Variants in DDX31 observed in about 807,000 individuals in gnomAD.
DDX31 encodes ATP-dependent DNA helicase DDX31.
DDX31 carries 70 observed loss-of-function variants against 91.3 expected under a neutral mutation model. The observed-to-expected ratio is 0.77, with a 90% CI of 0.63 to 0.94. The LOEUF is 0.94. Ranked by LOEUF, DDX31 falls within the 40% of genes least tolerant of loss-of-function variation. The pLI is 0.00. For missense variants in DDX31, 902 were observed against 925.0 expected (o/e 0.98, Z 0.32); for synonymous variants, 362 against 350.6 (o/e 1.03, Z -0.36).
chr9:132,603,018 A>G (rs1430287217), intron 19 of DDX31, among the ~76,000 whole-genome samples: 1 of 108,012 alleles, frequency 9.3e-6, no homozygotes, highest in African/African-American at 3.5e-5. Flanking sequence ...ACTCAGAATC[A>G]CATGACCGGG....
intron 19 of DDX31, among the ~76,000 whole-genome samples, chr9:132,611,361 A>C (rs1004123252): frequency 6.6e-6 from 1 of 152,180 alleles, no homozygotes; most frequent in Non-Finnish European, 1.5e-5. Flanking sequence ...ACAGGGCCTC[A>C]CGCGCTCTGG....
intron 1 of DDX31, 130 bp from the exon 2 acceptor site, chr9:132,662,825 G>A (rs764840330): frequency 3.2e-5 from 41 of 1,265,242 alleles, no homozygotes; most frequent in Admixed American, 1.7e-4. Flanking sequence ...CATATGTCAA[G>A]CAACAGTTTA....
rs1445979882 is a variant in DDX31, at chr9:132,625,683, C to G, written c.1694G>C (p.Gly565Ala). 1 of 1,613,940 alleles carries G rather than the reference C, an allele frequency of 6.2e-7. No homozygotes were observed. The highest frequency in any genetic ancestry group is 1.3e-5 in the African/African-American group (1 of 75,014). The change falls in exon 17 of 20, where the codon GGG becomes GCG. Residue 565 changes from glycine to alanine, a missense_variant. By Grantham distance (60) the Gly-to-Ala change is moderately conservative. Coordinates refer to ENST00000372159, the MANE Select transcript of DDX31 (RefSeq NM_022779.9). ...CVLTRDDCFK[G>A]KRWGAQKSHA... The stretch of plus-strand genomic sequence containing the variant: ...ACTCACCTGGGCTCCCCATCGTTTC[C>G]CTTTAAAACAATCATCTCTTGTCAG...
At chr9:132,646,575 A>G (rs942374194) in intron 12 of DDX31, among the ~76,000 whole-genome samples, 1 of 152,156 alleles carries the variant, frequency 6.6e-6, no homozygotes, top group Non-Finnish European at 1.5e-5. Flanking sequence ...GATGTTCCTA[A>G]TATCAGTCCC....
intron 19 of DDX31, among the ~76,000 whole-genome samples, chr9:132,607,778 C>A (rs536605128): frequency 6.6e-6 from 1 of 152,308 alleles, no homozygotes; most frequent in Admixed American, 6.5e-5. Flanking sequence ...ACCTCCTGGG[C>A]TTGGCCTCCC....
intron 19 of DDX31, among the ~76,000 whole-genome samples, chr9:132,606,397 G>A (rs768797577): frequency 3.3e-5 from 5 of 152,156 alleles, no homozygotes; most frequent in Admixed American, 6.5e-5. Context: ...TGAGGGACTC[G>A]GTTCCATGTT....
At chr9:132,608,342 G>A (rs1831137887) in intron 19 of DDX31, among the ~76,000 whole-genome samples, 1 of 152,116 alleles carries the variant, frequency 6.6e-6, no homozygotes, top group Non-Finnish European at 1.5e-5. Flanking sequence ...TTGCAGAACT[G>A]AGCACTGGAA....
At chr9:132,661,043 G>A (rs1834902492) in intron 4 of DDX31, 165 bp downstream of exon 4, 2 of 657,810 alleles carry the variant, frequency 3.0e-6, no homozygotes, top group Admixed American at 2.9e-5. Context: ...CATTTAACAG[G>A]TGGAGAGAAT....
intron 1 of DDX31, among the ~76,000 whole-genome samples, chr9:132,664,733 A>C (rs1407718892): frequency 6.6e-6 from 1 of 151,102 alleles, no homozygotes; most frequent in East Asian, 1.9e-4. Context: ...AAAAAAAAAA[A>C]AAAACTGTAA....
intron 19 of DDX31, among the ~76,000 whole-genome samples, chr9:132,603,303 T>C (rs943506217): frequency 2.6e-5 from 4 of 152,246 alleles, no homozygotes; most frequent in South Asian, 2.1e-4. Context: ...AGCTATAACA[T>C]TGGGACCAAC....
intron 19 of DDX31, among the ~76,000 whole-genome samples, chr9:132,605,612 A>G (rs1438666700): frequency 6.6e-6 from 1 of 152,136 alleles, no homozygotes; most frequent in Admixed American, 6.5e-5. Context: ...CAAATACCAC[A>G]AGCAGATGCA....
intron 8 of DDX31, 55 bp from the exon 9 acceptor site, chr9:132,650,353 A>G (rs1011512054): frequency 1.3e-6 from 2 of 1,532,414 alleles, no homozygotes; most frequent in Non-Finnish European, 1.8e-6. Context: ...CTAACATCAG[A>G]CATTGATTCC....
At chr9:132,638,263 T>C in intron 14 of DDX31, 6 of 1,603,192 alleles carry the variant, frequency 3.7e-6, no homozygotes, top group Non-Finnish European at 4.3e-6. Flanking sequence ...GCTTAGAAAC[T>C]CCATTTTCCG....
chr9:132,609,507 C>G (rs1422808536), intron 19 of DDX31, among the ~76,000 whole-genome samples: 1 of 152,198 alleles, frequency 6.6e-6, no homozygotes, highest in Non-Finnish European at 1.5e-5. Context: ...GAGCTGCTAT[C>G]TGGATTAACA....
chr9:132,662,152 G>T, intron 3 of DDX31, 109 bp downstream of exon 3: 1 of 1,110,424 alleles, frequency 9.0e-7, no homozygotes. Flanking sequence ...ACTTAGAGCA[G>T]AAACAAACAC....
At chr9:132,630,918 G>T (rs943247063) in intron 15 of DDX31, among the ~76,000 whole-genome samples, 1 of 152,196 alleles carries the variant, frequency 6.6e-6, no homozygotes, top group African/African-American at 2.4e-5. Context: ...CAGGCCCCAG[G>T]AGCTGGTCCC....
rs115299991 is a variant in DDX31 at position 132,606,632 on chromosome 9, C to T, written c.1994+5455G>A. On this transcript the variant is annotated intron_variant, in intron 19 of 19. Coordinates refer to ENST00000372159, the MANE Select transcript of DDX31 (RefSeq NM_022779.9). ...TGGCTTAACCCCCACAATCAAAGGGCGACTTGAGTACCTCCCTTTGAGGCC... is the reference window on the plus strand; with the variant it reads ...TGGCTTAACCCCCACAATCAAAGGGTGACTTGAGTACCTCCCTTTGAGGCC... 9.2e-3 allele frequency among the ~76,000 whole-genome samples: 1,396 copies of T among 152,232 alleles called. 12 individuals are homozygous for T. Among genetic ancestry groups the T allele is most frequent in the African/African-American group, 0.032 (1,315 of 41,530 alleles).
chr9:132,637,445 C>G (rs1833188949), intron 14 of DDX31, among the ~76,000 whole-genome samples: 2 of 152,238 alleles, frequency 1.3e-5, no homozygotes. Context: ...AGGCAGCTTG[C>G]TCAGGTGCCA....
chr9:132,608,998 A>C (rs10901194), intron 19 of DDX31, among the ~76,000 whole-genome samples: 15,039 of 152,218 alleles, frequency 0.099, 936 homozygotes, highest in South Asian at 0.18. Flanking sequence ...AGATTTCCCC[A>C]AATAAAAAAA....
Sources: gnomAD v4.1 joint callset for allele counts (sites outside exome capture counted in the v4.1 genomes callset) on GRCh38, gnomAD v4.1.1 for gene constraint, MANE v1.5 for transcripts, NCBI Gene and HGNC (gene_info 2026-07-23, HGNC 2026-07-21) for gene names.